Variants in SLC4A4 observed in about 807,000 individuals in gnomAD.
SLC4A4 encodes solute carrier family 4 member 4, also known as electrogenic sodium bicarbonate cotransporter 1.
SLC4A4 carries 27 observed loss-of-function variants against 111.5 expected under a neutral mutation model. The observed-to-expected ratio is 0.24, with a 90% confidence interval of 0.18 to 0.33. The LOEUF (loss-of-function observed/expected upper bound fraction) is 0.33, where lower values mean the gene tolerates loss of function less well. Ranked by LOEUF, SLC4A4 falls within the 10% of genes least tolerant of loss-of-function variation. The probability of loss-of-function intolerance (pLI) is 1.00; values close to 1 mark genes in which losing one functional copy is unlikely to be tolerated. For missense variants in SLC4A4, 909 were observed against 1,315.5 expected, an observed-to-expected ratio of 0.69 and a Z score of 4.78; for synonymous variants, 443 against 463.4, an observed-to-expected ratio of 0.96 and a Z score of 0.57.
At chr4:71,078,825 TG>T (rs1400180325) in intron 1 of SLC4A4, among the ~76,000 whole-genome samples, 2 of 151,882 alleles carry the variant, frequency 1.3e-5, no homozygotes, top group Admixed American at 6.6e-5. Flanking sequence ...ATTGTTTGTT[TG>T]TTTTTTTTTT....
chr4:71,072,919 C>T (rs1234133337), intron 1 of SLC4A4, among the ~76,000 whole-genome samples: 1 of 151,960 alleles, frequency 6.6e-6, no homozygotes, highest in Non-Finnish European at 1.5e-5. Context: ...AGGTGCATGC[C>T]ACTATGCCCA....
chr4:71,397,696 A>G (rs1364166785), intron 7 of SLC4A4, 43 bp downstream of exon 7: 5 of 1,509,940 alleles, frequency 3.3e-6, no homozygotes, highest in South Asian at 1.1e-5. Flanking sequence ...AAGAGAACGT[A>G]TATCTAAAAG....
At chr4:71,083,273 G>GA (rs1742043802) in intron 1 of SLC4A4, among the ~76,000 whole-genome samples, 1 of 142,830 alleles carries the variant, frequency 7.0e-6, no homozygotes, top group Admixed American at 7.0e-5. Flanking sequence ...TTTCCAACTT[G>GA]TTTTTTTTTT....
intron 2 of SLC4A4, among the ~76,000 whole-genome samples, chr4:71,096,972 A>G (rs1742575564): frequency 6.6e-6 from 1 of 152,174 alleles, no homozygotes; most frequent in African/African-American, 2.4e-5. Context: ...TTTTGTTCAC[A>G]TTTTTATTGT....
intron 2 of SLC4A4, among the ~76,000 whole-genome samples, chr4:71,129,929 A>G (rs973161490): frequency 1.3e-5 from 2 of 152,072 alleles, no homozygotes; most frequent in African/African-American, 4.8e-5. Context: ...GGAGCTAAAC[A>G]TTGCGTACAC....
chr4:71,455,710 G>A (rs1726190053), intron 12 of SLC4A4, among the ~76,000 whole-genome samples: 2 of 152,136 alleles, frequency 1.3e-5, no homozygotes, highest in South Asian at 2.1e-4. Flanking sequence ...ATTGAGATGG[G>A]GACATTGCAA....
In SLC4A4 at chr4:71,518,550, G is replaced by C. The variant is rs543755343; in HGVS notation, c.2167-13512G>C. Among the ~76,000 whole-genome samples, 146 of 152,284 alleles carry C rather than the reference G, an allele frequency of 9.6e-4. 1 individual carries two copies. The highest frequency in any genetic ancestry group is 3.4e-3 in the Middle Eastern group (1 of 294). ...GGTGGGCCTGGAGCCTGAGGCCACA[G>C]GGGCTGATGTGATGCTGGACAGGCC... is the stretch of plus-strand genomic sequence containing the variant. On this transcript the variant is annotated intron_variant, in intron 16 of 25. Coordinates refer to ENST00000264485, the MANE Select transcript of SLC4A4 (RefSeq NM_001098484.3).
intron 23 of SLC4A4, among the ~76,000 whole-genome samples, chr4:71,562,805 G>A (rs13148532): frequency 0.45 from 67,956 of 150,876 alleles, 16,355 homozygotes; most frequent in Middle Eastern, 0.56. Flanking sequence ...TTTTTTGCTC[G>A]TTGAATGCAT....
chr4:71,113,906 A>G (rs1743170395), intron 2 of SLC4A4, among the ~76,000 whole-genome samples: 1 of 152,218 alleles, frequency 6.6e-6, no homozygotes, highest in Non-Finnish European at 1.5e-5. Flanking sequence ...TAAACAAAGT[A>G]ATTAGTAGTT....
intron 7 of SLC4A4, among the ~76,000 whole-genome samples, chr4:71,413,533 A>T (rs1369335028): frequency 1.3e-5 from 2 of 152,190 alleles, no homozygotes; most frequent in African/African-American, 4.8e-5. Context: ...TTGTCATCAT[A>T]TTTGATGTGC....
intron 7 of SLC4A4, among the ~76,000 whole-genome samples, chr4:71,405,673 T>C (rs886391235): frequency 2.0e-5 from 3 of 152,200 alleles, no homozygotes; most frequent in Admixed American, 2.0e-4. Context: ...TCTAGATCTT[T>C]AAACACTTTA....
intron 16 of SLC4A4, among the ~76,000 whole-genome samples, chr4:71,519,651 T>TTG: frequency 6.6e-6 from 1 of 151,964 alleles, no homozygotes; most frequent in South Asian, 2.1e-4. Context: ...ACATCATTTT[T>TTG]TTTGACAGAG....
Position 71,453,592 on chromosome 4 carries a change from C to T in SLC4A4, c.1420C>T (p.Leu474Phe). Reference protein sequence around the residue: ...ALNIQALSAILFIYLATVTNA... With the variant: ...ALNIQALSAIFFIYLATVTNA... ...AAATATTCAAGCTCTTTCGGCAATT[C>T]TCTTCATTTATCTGGCAACTGTAAC... The change falls in exon 12 of 26, where the codon CTC (leucine) becomes TTC (phenylalanine). Residue 474 changes from leucine (L) to phenylalanine (F), a missense_variant. By Grantham distance (22) the Leu-to-Phe change is conservative. Around this residue, in one of 7 missense-constraint regions of SLC4A4, gnomAD observed 312 missense variants for 402.0 expected, o/e 0.78. Coordinates refer to ENST00000264485, the MANE Select transcript of SLC4A4 (RefSeq NM_001098484.3). The T allele has an allele frequency of 6.2e-7, 1 of 1,613,950 alleles. No individual in the cohort carries two copies. The highest frequency in any genetic ancestry group is 8.5e-7 in the Non-Finnish European group (1 of 1,179,880).
At chr4:71,543,454 G>C (rs6447035) in intron 18 of SLC4A4, among the ~76,000 whole-genome samples, 1 of 151,936 alleles carries the variant, frequency 6.6e-6, no homozygotes, top group Non-Finnish European at 1.5e-5. Flanking sequence ...TTATCTATCT[G>C]TAATTATTTT....
chr4:71,213,918 T>C (rs928722769), intron 1 of SLC4A4, among the ~76,000 whole-genome samples: 1 of 152,134 alleles, frequency 6.6e-6, no homozygotes, highest in African/African-American at 2.4e-5. Flanking sequence ...TTGTGAGAAA[T>C]AAATGTCTGT....
At chr4:71,546,576 C>T in intron 19 of SLC4A4, 48 bp downstream of exon 19, 2 of 1,487,938 alleles carry the variant, frequency 1.3e-6, no homozygotes, top group East Asian at 2.3e-5. Flanking sequence ...ACTGTGCACA[C>T]ATCTATGTGG....
chr4:71,382,664 G>T (rs1718266937), intron 6 of SLC4A4, among the ~76,000 whole-genome samples: 1 of 152,158 alleles, frequency 6.6e-6, no homozygotes, highest in Non-Finnish European at 1.5e-5. Flanking sequence ...TAGGAGACTG[G>T]CTATGTATAA....
intron 8 of SLC4A4, among the ~76,000 whole-genome samples, chr4:71,441,953 G>A (rs1333406366): frequency 6.6e-6 from 1 of 152,150 alleles, no homozygotes; most frequent in African/African-American, 2.4e-5. Context: ...CATTCCAGCA[G>A]AGCCTTGTGG....
At chr4:71,096,435 G>C (rs189441570) in intron 2 of SLC4A4, among the ~76,000 whole-genome samples, 1 of 152,226 alleles carries the variant, frequency 6.6e-6, no homozygotes, top group Non-Finnish European at 1.5e-5. Flanking sequence ...AGAAAAAGAC[G>C]GTGAATCGCA....
Sources: allele counts gnomAD v4.1 joint callset (sites outside exome capture counted in the v4.1 genomes callset), GRCh38; gene constraint gnomAD v4.1.1; regional missense constraint gnomAD v4.1.1; transcripts MANE v1.5; gene names NCBI Gene and HGNC (gene_info 2026-07-23, HGNC 2026-07-21).